Variants in SLC37A1 observed in about 807,000 individuals in gnomAD.
The protein encoded by SLC37A1 is glucose-6-phosphate exchanger SLC37A1.
SLC37A1 carries 49 observed loss-of-function variants against 75.3 expected under a neutral mutation model. That is an observed-to-expected ratio of 0.65 (90% CI 0.52 to 0.83). SLC37A1 has a LOEUF of 0.83. Ranked by LOEUF, SLC37A1 falls within the 40% of genes least tolerant of loss-of-function variation. The pLI is 0.00. For synonymous variants in SLC37A1, 268 were observed against 292.1 expected (o/e 0.92, Z 0.84); for missense variants, 566 against 695.0 (o/e 0.81, Z 2.09).
chr21:42,559,135 T>C, intron 11 of SLC37A1, 46 bp downstream of exon 11: 1 of 1,584,190 alleles, frequency 6.3e-7, no homozygotes, highest in South Asian at 1.1e-5. Flanking sequence ...GCTGCTGTGC[T>C]GGCTGTGGGA....
rs1231180422 is a variant in SLC37A1 at position 42,547,598 on chromosome 21, G to C, written c.768+458G>C. The C allele has an allele frequency of 1.2e-5, 2 of 161,244 alleles. No homozygotes were observed. Among genetic ancestry groups the C allele is most frequent in the African/African-American group, 4.8e-5 (2 of 41,626 alleles). 10.0% of individuals were successfully genotyped at this position (161,244 alleles called of 1,614,324 possible). ...CAGCTCAGCCAGCGTAGGCCCTGCA[G>C]GCAGGATTGCTGACCACGTTGGCTG... On this transcript the variant is annotated intron_variant, in intron 9 of 19. Transcript: ENST00000352133. This position sits in a 1 kb window ranked among gnomAD's most constrained non-coding sequence, Gnocchi z 6.1.
At chr21:42,574,491 T>TA (rs2056263298) in intron 17 of SLC37A1, among the ~76,000 whole-genome samples, 1 of 152,186 alleles carries the variant, frequency 6.6e-6, no homozygotes, top group Admixed American at 6.5e-5. Flanking sequence ...TTTTATTTTT[T>TA]CAGATTGTGG....
chr21:42,527,849 C>T (rs188908077), intron 3 of SLC37A1, among the ~76,000 whole-genome samples: 2 of 152,320 alleles, frequency 1.3e-5, no homozygotes, highest in South Asian at 2.1e-4. Context: ...GGTTTCTTTA[C>T]CTTTCAAGAT....
rs1028731509 is a variant in SLC37A1 at position 42,543,531 on chromosome 21, G to T, written c.659G>T (p.Gly220Val). ...IAGYWVSTCW[G>V]LSFVVPGAIV... ...GGCTACTGGGTGTCCACATGCTGGG[G>T]CCTGTCCTTCGTCGTGCCTGGAGCC... The change falls in exon 8 of 20, where the codon GGC becomes GTC. Residue 220 changes from glycine to valine, a missense_variant. Physicochemically the swap from Gly to Val is moderately radical, Grantham distance 109 (BLOSUM62 -3). Transcript: ENST00000352133. 6.2e-7 allele frequency: 1 copy of T among 1,614,004 alleles called. No individual in the cohort carries two copies. Among genetic ancestry groups the T allele is most frequent in the Admixed American group, 1.7e-5 (1 of 60,002 alleles).
intron 18 of SLC37A1, chr21:42,576,023 C>T: frequency 2.2e-6 from 2 of 911,406 alleles, no homozygotes; most frequent in Non-Finnish European, 2.6e-6. Context: ...TGATGCTTAG[C>T]CAAACTCATA....
intron 1 of SLC37A1, among the ~76,000 whole-genome samples, chr21:42,516,876 T>A (rs2054530953): frequency 6.6e-6 from 1 of 152,230 alleles, no homozygotes; most frequent in Non-Finnish European, 1.5e-5. Flanking sequence ...TTCTTTACTC[T>A]GAAGTTGTCA....
At chr21:42,537,653 A>G (rs1428146628) in intron 5 of SLC37A1, among the ~76,000 whole-genome samples, 1 of 152,206 alleles carries the variant, frequency 6.6e-6, no homozygotes, top group Non-Finnish European at 1.5e-5. Context: ...GAATTACCGG[A>G]GCCAAAGTAT....
At chr21:42,569,511 C>T (rs1210957073) in intron 17 of SLC37A1, among the ~76,000 whole-genome samples, 1 of 17,984 alleles carries the variant, frequency 5.6e-5, no homozygotes, top group Non-Finnish European at 1.2e-4. Context: ...TCGTGCCGCA[C>T]TCCCTCGTGC....
intron 1 of SLC37A1, among the ~76,000 whole-genome samples, chr21:42,517,937 T>C (rs947427593): frequency 3.9e-5 from 6 of 152,238 alleles, no homozygotes; most frequent in Non-Finnish European, 8.8e-5. Context: ...TCTGGGCACA[T>C]AGCGTGGCTG....
chr21:42,526,765 CT>C (rs1248320397), intron 3 of SLC37A1, among the ~76,000 whole-genome samples: 2 of 152,168 alleles, frequency 1.3e-5, no homozygotes, highest in African/African-American at 4.8e-5. Context: ...CCCTTGGCCC[CT>C]GATAAGCAAG....
chr21:42,527,949 A>G (rs1485968648), intron 3 of SLC37A1, among the ~76,000 whole-genome samples: 1 of 152,218 alleles, frequency 6.6e-6, no homozygotes, highest in Non-Finnish European at 1.5e-5. Context: ...AATGGCATCA[A>G]CGAAACTGAA....
At chr21:42,529,756 G>A (rs2081133949) in intron 3 of SLC37A1, among the ~76,000 whole-genome samples, 1 of 152,214 alleles carries the variant, frequency 6.6e-6, no homozygotes, top group Non-Finnish European at 1.5e-5. Flanking sequence ...GTTCGAGTCT[G>A]CCGGTATTCC....
intron 2 of SLC37A1, among the ~76,000 whole-genome samples, chr21:42,522,740 A>T (rs1417328079): frequency 6.6e-6 from 1 of 152,206 alleles, no homozygotes; most frequent in Admixed American, 6.5e-5. Flanking sequence ...ATTCTACAGG[A>T]CGGCTTCTGT....
chr21:42,564,239 A>AAAAAAG (rs2055914176), intron 13 of SLC37A1, among the ~76,000 whole-genome samples: 1 of 150,890 alleles, frequency 6.6e-6, no homozygotes. Context: ...AAAAAAAAAA[A>AAAAAAG]GCATAGCTGG....
rs945110529 is a variant in SLC37A1 at position 42,552,412 on chromosome 21, C to T, written c.769-1650C>T. Among the ~76,000 whole-genome samples, 2 of 152,194 alleles carry T rather than the reference C, an allele frequency of 1.3e-5. No homozygotes were observed. Among genetic ancestry groups the T allele is most frequent in the East Asian group, 3.8e-4 (2 of 5,202 alleles). The stretch of plus-strand genomic sequence containing the variant: ...ATTCAAGAAATCTGGAGAGAGCCAG[C>T]CCAGGATGATGTGGGGTGTGCGTGT... On this transcript the variant is annotated intron_variant, in intron 9 of 19. Coordinates refer to ENST00000352133, the MANE Select transcript of SLC37A1 (RefSeq NM_001320537.2). The surrounding 1 kb of genome is among the most constrained non-coding windows in gnomAD (Gnocchi z 4.2).
intron 16 of SLC37A1, among the ~76,000 whole-genome samples, chr21:42,567,827 C>T (rs1050129470): frequency 6.6e-6 from 1 of 152,148 alleles, no homozygotes; most frequent in South Asian, 2.1e-4. Context: ...GAGCTCCTGG[C>T]GGCTGCTCAC....
At chr21:42,532,593 C>T (rs146585064) in intron 3 of SLC37A1, among the ~76,000 whole-genome samples, 15 of 152,116 alleles carry the variant, frequency 9.9e-5, no homozygotes, top group Admixed American at 2.0e-4. Context: ...TTCAACAAGG[C>T]GGCGGGTGAA....
At chr21:42,525,652 G>A in intron 2 of SLC37A1, 124 bp from the exon 3 acceptor site, 1 of 663,460 alleles carries the variant, frequency 1.5e-6, no homozygotes, top group Non-Finnish European at 2.6e-6. Flanking sequence ...AAGTAATATT[G>A]ATAATGGCTG....
intron 3 of SLC37A1, among the ~76,000 whole-genome samples, chr21:42,529,895 C>A (rs2146792222): frequency 6.6e-6 from 1 of 152,248 alleles, no homozygotes; most frequent in East Asian, 1.9e-4. Flanking sequence ...AGCGTTAGCG[C>A]CTTTTGGTGA....
Sources: allele counts gnomAD v4.1 joint callset (sites outside exome capture counted in the v4.1 genomes callset), GRCh38; gene constraint gnomAD v4.1.1; non-coding constraint Gnocchi (gnomAD v3.1); transcripts MANE v1.5; gene names NCBI Gene and HGNC (gene_info 2026-07-23, HGNC 2026-07-21).